UNC5D: variants seen among roughly 807,000 people sequenced by gnomAD.
UNC5D encodes the protein netrin receptor UNC5D.
In UNC5D, 39 loss-of-function variants were observed where a neutral mutation model predicts 105.4. The ratio of observed to expected loss-of-function variants is 0.37; its 90% CI spans 0.29 to 0.48. The LOEUF is 0.48. UNC5D is among the 20% of genes least tolerant of loss of function. The pLI, the probability that UNC5D is intolerant of heterozygous loss-of-function variation, is 0.98. For synonymous variants in UNC5D, 452 were observed against 450.4 expected, an observed-to-expected ratio of 1.00 and a Z score of -0.04; for missense variants, 991 against 1,202.4, an observed-to-expected ratio of 0.82 and a Z score of 2.60.
intron 2 of UNC5D, among the ~76,000 whole-genome samples, chr8:35,567,346 G>A (rs898255414): frequency 6.6e-6 from 1 of 152,196 alleles, no homozygotes; most frequent in South Asian, 2.1e-4. Flanking sequence ...AGTACATATT[G>A]TATACATGTA....
chr8:35,245,425 T>A (rs1392332930), intron 1 of UNC5D, among the ~76,000 whole-genome samples: 1 of 152,076 alleles, frequency 6.6e-6, no homozygotes, highest in African/African-American at 2.4e-5. Context: ...TCTCTCTCAG[T>A]CTTGGGACCA....
chr8:35,745,230 T>G (rs1042668717), intron 11 of UNC5D, among the ~76,000 whole-genome samples: 3 of 152,152 alleles, frequency 2.0e-5, no homozygotes, highest in Non-Finnish European at 2.9e-5. Flanking sequence ...CAAGGCCTGG[T>G]CAGAGAAAAC....
intron 4 of UNC5D, among the ~76,000 whole-genome samples, chr8:35,638,524 G>T (rs908093292): frequency 6.6e-6 from 1 of 151,916 alleles, no homozygotes; most frequent in Non-Finnish European, 1.5e-5. Flanking sequence ...GCAAGGCTTG[G>T]TGGCTCACAC....
At chr8:35,675,950 CAT>C (rs1392513306) in intron 4 of UNC5D, among the ~76,000 whole-genome samples, 2 of 151,636 alleles carry the variant, frequency 1.3e-5, no homozygotes, top group African/African-American at 4.8e-5. Flanking sequence ...GAGTAAGTGA[CAT>C]ATTATGACAC....
At chr8:35,446,669 A>C (rs1807815398) in intron 1 of UNC5D, among the ~76,000 whole-genome samples, 1 of 151,944 alleles carries the variant, frequency 6.6e-6, no homozygotes, top group South Asian at 2.1e-4. Flanking sequence ...CAGTTTCCTT[A>C]CCCCCTTTTC....
At chr8:35,617,701 C>G (rs887355872) in intron 4 of UNC5D, among the ~76,000 whole-genome samples, 1 of 152,192 alleles carries the variant, frequency 6.6e-6, no homozygotes, top group Admixed American at 6.5e-5. Flanking sequence ...GCAGCTGCAC[C>G]GTTCCCATTG....
chr8:35,392,505 C>T (rs1164582994), intron 1 of UNC5D, among the ~76,000 whole-genome samples: 1 of 152,222 alleles, frequency 6.6e-6, no homozygotes, highest in African/African-American at 2.4e-5. Context: ...TGGCCTGATC[C>T]ACCATGCCTG....
chr8:35,454,130 C>T (rs981855338), intron 1 of UNC5D, among the ~76,000 whole-genome samples: 2 of 152,122 alleles, frequency 1.3e-5, no homozygotes, highest in African/African-American at 4.8e-5. Flanking sequence ...TCTTTTGCCT[C>T]AGTGACTTCA....
At chr8:35,485,198 A>G (rs984192524) in intron 1 of UNC5D, among the ~76,000 whole-genome samples, 3 of 152,168 alleles carry the variant, frequency 2.0e-5, no homozygotes, top group African/African-American at 7.2e-5. Flanking sequence ...TGGCATAATT[A>G]AAGACCATGC....
At chr8:35,674,454 GTTTC>G (rs901669163) in intron 4 of UNC5D, among the ~76,000 whole-genome samples, 37 of 152,172 alleles carry the variant, frequency 2.4e-4, no homozygotes, top group African/African-American at 8.4e-4. Context: ...TAACATCTGT[GTTTC>G]TTTGTCTATA....
rs550773758 is a variant in UNC5D at position 35,669,699 on chromosome 8, ATAT to A, written c.571-13841_571-13839del. Among the ~76,000 whole-genome samples the A allele has an allele frequency of 2.7e-3, 417 of 152,214 alleles. 1 individual carries two copies. Among genetic ancestry groups the A allele is most frequent in the African/African-American group, 9.8e-3 (405 of 41,536 alleles). On this transcript the variant is annotated intron_variant, in intron 4 of 16. Transcript: ENST00000404895. ...TATCAAAAGTGATCTTTTAAATGTA[ATAT>A]TATTATCACCAGCTCTTTAAATGTT...
At chr8:35,606,036 G>A (rs1820270447) in intron 4 of UNC5D, among the ~76,000 whole-genome samples, 1 of 151,336 alleles carries the variant, frequency 6.6e-6, no homozygotes, top group Non-Finnish European at 1.5e-5. Flanking sequence ...CGCCCAGGCT[G>A]GAGTGCAACG....
intron 1 of UNC5D, among the ~76,000 whole-genome samples, chr8:35,411,509 C>T (rs1563391594): frequency 6.6e-6 from 1 of 151,962 alleles, no homozygotes; most frequent in Non-Finnish European, 1.5e-5. Context: ...ATGCCCAGAA[C>T]AGTGCTCACA....
In UNC5D at chr8:35,566,378, A is replaced by G. The variant is rs144782068; in HGVS notation, c.323-1720A>G. 6.4e-3 allele frequency among the ~76,000 whole-genome samples: 969 copies of G among 152,218 alleles called. 10 individuals carry two copies. The highest frequency in any genetic ancestry group is 0.022 in the African/African-American group (931 of 41,542). On this transcript the variant is annotated intron_variant, in intron 2 of 16. Transcript: ENST00000404895. ...GATATAATCATGATCCACCTCCTCC[A>G]TCGAGAGTTCTGGACTCATTTTGAT...
chr8:35,566,959 T>C (rs1404276226), intron 2 of UNC5D, among the ~76,000 whole-genome samples: 2 of 151,926 alleles, frequency 1.3e-5, no homozygotes, highest in African/African-American at 2.4e-5. Context: ...GGACGACTGC[T>C]CATCCCAAAG....
intron 4 of UNC5D, among the ~76,000 whole-genome samples, chr8:35,681,052 G>A (rs1473186283): frequency 6.6e-6 from 1 of 152,124 alleles, no homozygotes; most frequent in Non-Finnish European, 1.5e-5. Context: ...TAGGAGTGAT[G>A]GGAATTTAAA....
At chr8:35,658,661 T>G (rs1823921425) in intron 4 of UNC5D, among the ~76,000 whole-genome samples, 1 of 149,008 alleles carries the variant, frequency 6.7e-6, no homozygotes, top group Non-Finnish European at 1.5e-5. Flanking sequence ...TTTTTTTTTT[T>G]TTTTTCTGGA....
chr8:35,248,017 A>C (rs1329554586), intron 1 of UNC5D, among the ~76,000 whole-genome samples: 1 of 42,542 alleles, frequency 2.4e-5, no homozygotes, highest in Non-Finnish European at 3.6e-5. Flanking sequence ...AAATATATAT[A>C]ATATATAAAT....
At chr8:35,495,339 C>T (rs1246952094) in intron 1 of UNC5D, among the ~76,000 whole-genome samples, 1 of 151,132 alleles carries the variant, frequency 6.6e-6, no homozygotes, top group Non-Finnish European at 1.5e-5. Context: ...AGGAAGAGAG[C>T]CTTGATTTAG....
Sources: allele counts gnomAD v4.1 joint callset (sites outside exome capture counted in the v4.1 genomes callset), GRCh38; gene constraint gnomAD v4.1.1; transcripts MANE v1.5; gene names NCBI Gene and HGNC (gene_info 2026-07-23, HGNC 2026-07-21).